The following RIPOR3 variants were observed in gnomAD, a reference collection of about 807,000 sequenced individuals.
RIPOR3 encodes RIPOR family member 3.
Under a neutral mutation model 114.3 loss-of-function variants are expected in RIPOR3, and 95 were observed. The observed-to-expected ratio is 0.83, with a 90% CI of 0.70 to 0.99. The LOEUF is 0.99. RIPOR3 is among the 50% of genes least tolerant of loss of function. RIPOR3 has a pLI of 0.00. For synonymous variants in RIPOR3, 575 were observed against 543.8 expected (o/e 1.06, Z -0.80); for missense variants, 1,252 against 1,266.9 (o/e 0.99, Z 0.18).
intron 1 of RIPOR3, among the ~76,000 whole-genome samples, chr20:50,653,739 C>T (rs1030904554): frequency 6.6e-6 from 1 of 151,904 alleles, no homozygotes; most frequent in Non-Finnish European, 1.5e-5. Flanking sequence ...TACAGGCATG[C>T]ACCACCCACT....
At chr20:50,597,735 A>AGGGCAACACC in intron 13 of RIPOR3, 25 bp from the exon 14 acceptor site, 5 of 1,608,834 alleles carry the variant, frequency 3.1e-6, no homozygotes, top group South Asian at 1.1e-5. Flanking sequence ...GCCAGACCTG[A>AGGGCAACACC]GGGCAACACC....
At chr20:50,598,431 G>T (rs2083379032) in intron 13 of RIPOR3, among the ~76,000 whole-genome samples, 1 of 151,936 alleles carries the variant, frequency 6.6e-6, no homozygotes, top group South Asian at 2.1e-4. Context: ...CAGGCCTTGT[G>T]TCCAACACAA....
chr20:50,676,479 C>T (rs1476941037), intron 1 of RIPOR3, among the ~76,000 whole-genome samples: 2 of 152,084 alleles, frequency 1.3e-5, no homozygotes, highest in African/African-American at 4.8e-5. Context: ...TAGAGAGACC[C>T]CGTCTCTACT....
chr20:50,678,707 A>G (rs867278654), intron 1 of RIPOR3, among the ~76,000 whole-genome samples: 1 of 152,170 alleles, frequency 6.6e-6, no homozygotes, highest in South Asian at 2.1e-4. Context: ...GGGAGTCTTG[A>G]ATAAATAACA....
At chr20:50,604,379 G>A (rs961873288) in intron 12 of RIPOR3, among the ~76,000 whole-genome samples, 15 of 152,142 alleles carry the variant, frequency 9.9e-5, no homozygotes, top group Non-Finnish European at 2.1e-4. Context: ...ATATATTAAG[G>A]CCAAGGCCAT....
chr20:50,617,628 C>CTTT lies in RIPOR3; in HGVS notation c.270-1551_270-1549dup, dbSNP rs71190578. ...ACCATTTCATTCTAAGGTGGTTTCC[C>CTTT]TTTTTTTTTTTTTTTTTTTTTGAGT... On this transcript the variant is annotated intron_variant, in intron 3 of 21. Coordinates refer to ENST00000327979, the MANE Select transcript of RIPOR3 (RefSeq NM_001290268.2). Among the ~76,000 whole-genome samples, 46 of 110,448 alleles carry CTTT rather than the reference C, an allele frequency of 4.2e-4. 1 individual carries two copies. Among genetic ancestry groups the CTTT allele is most frequent in the African/African-American group, 9.3e-4 (24 of 25,944 alleles). 72.5% of individuals were successfully genotyped at this position (110,448 alleles called of 152,430 possible).
At chr20:50,624,104 T>C (rs1304881950) in intron 2 of RIPOR3, among the ~76,000 whole-genome samples, 1 of 152,206 alleles carries the variant, frequency 6.6e-6, no homozygotes, top group Non-Finnish European at 1.5e-5. Context: ...CCCAAAGTAC[T>C]GGGATTGCAG....
intron 1 of RIPOR3, among the ~76,000 whole-genome samples, chr20:50,661,806 C>T (rs1184415042): frequency 6.6e-6 from 1 of 152,198 alleles, no homozygotes; most frequent in Non-Finnish European, 1.5e-5. Context: ...TTCCATTTCC[C>T]CTGGGGTCCC....
At chr20:50,674,910 C>T (rs1318916410) in intron 1 of RIPOR3, among the ~76,000 whole-genome samples, 1 of 151,760 alleles carries the variant, frequency 6.6e-6, no homozygotes, top group Non-Finnish European at 1.5e-5. Context: ...TAGCAAGACC[C>T]CATCTCTATT....
rs755271662 is a variant in RIPOR3, at chr20:50,609,523, G to A, written c.576+50C>T. On this transcript the variant is annotated intron_variant, in intron 7 of 21. Coordinates refer to ENST00000327979, the MANE Select transcript of RIPOR3 (RefSeq NM_001290268.2). ...CCAGCTCTCGATGTCCCCACTGCCCGGCCCAGCTCTTGCTGCCCCTGCTGC... is the reference window on the plus strand; with the variant it reads ...CCAGCTCTCGATGTCCCCACTGCCCAGCCCAGCTCTTGCTGCCCCTGCTGC... 41 of 1,433,710 alleles carry A rather than the reference G, an allele frequency of 2.9e-5. No homozygotes were observed. The East Asian group carries it at 3.0e-4, about 11-fold the overall frequency. 88.8% of individuals were successfully genotyped at this position (1,433,710 alleles called of 1,614,324 possible). A position where few individuals can be genotyped will look rare whatever the true frequency, so the allele number is the denominator to read the frequency against.
intron 1 of RIPOR3, among the ~76,000 whole-genome samples, chr20:50,631,780 G>GA (rs1468898899): frequency 6.6e-6 from 1 of 152,224 alleles, no homozygotes; most frequent in Non-Finnish European, 1.5e-5. Flanking sequence ...TCTAGATTGA[G>GA]AAAATGCCAC....
intron 6 of RIPOR3, among the ~76,000 whole-genome samples, chr20:50,610,592 A>C (rs1026340279): frequency 2.0e-5 from 3 of 152,154 alleles, no homozygotes; most frequent in Non-Finnish European, 4.4e-5. Flanking sequence ...CTTTCTGCAT[A>C]AACTGAAGAA....
At chr20:50,648,652 G>C (rs2085500163) in intron 1 of RIPOR3, among the ~76,000 whole-genome samples, 1 of 151,980 alleles carries the variant, frequency 6.6e-6, no homozygotes. Context: ...ATCAGTGGGA[G>C]CCCTGAGCTT....
At chr20:50,660,927 G>C (rs2085973999) in intron 1 of RIPOR3, among the ~76,000 whole-genome samples, 1 of 150,518 alleles carries the variant, frequency 6.6e-6, no homozygotes, top group Non-Finnish European at 1.5e-5. Flanking sequence ...CACCACACCT[G>C]GCTAATTAAA....
At chr20:50,645,043 T>C (rs2085354865) in intron 1 of RIPOR3, among the ~76,000 whole-genome samples, 1 of 152,070 alleles carries the variant, frequency 6.6e-6, no homozygotes, top group African/African-American at 2.4e-5. Context: ...GGTTTCATCA[T>C]GTTGACCAGC....
chr20:50,662,788 G>A (rs944866107), intron 1 of RIPOR3, among the ~76,000 whole-genome samples: 1 of 152,308 alleles, frequency 6.6e-6, no homozygotes, highest in Middle Eastern at 3.4e-3. Flanking sequence ...TACAATGGGA[G>A]TTTGTGCTAG....
At chr20:50,593,341 G>A (rs1240263938) in intron 17 of RIPOR3, 145 bp from the exon 18 acceptor site, 2 of 815,318 alleles carry the variant, frequency 2.5e-6, no homozygotes, top group East Asian at 5.6e-5. Context: ...GGGAGGCCAA[G>A]GTGGGCAGAT....
intron 6 of RIPOR3, 107 bp from the exon 7 acceptor site, chr20:50,609,829 C>T: frequency 7.9e-7 from 1 of 1,262,820 alleles, no homozygotes; most frequent in Non-Finnish European, 1.0e-6. Context: ...GCTAAGCACC[C>T]CGCTAGCCCA....
chr20:50,686,225 T>A (rs888884552), intron 1 of RIPOR3, among the ~76,000 whole-genome samples: 1 of 151,710 alleles, frequency 6.6e-6, no homozygotes, highest in South Asian at 2.1e-4. Context: ...CCCAGCTAAT[T>A]TTTTGTATTT....
Sources: gnomAD v4.1 joint callset for allele counts (sites outside exome capture counted in the v4.1 genomes callset) on GRCh38, gnomAD v4.1.1 for gene constraint, MANE v1.5 for transcripts, NCBI Gene and HGNC (gene_info 2026-07-23, HGNC 2026-07-21) for gene names.